The following KCTD8 variants were observed in gnomAD, a reference collection of about 807,000 sequenced individuals.
KCTD8 encodes potassium channel tetramerization domain containing 8, also known as BTB/POZ domain-containing protein KCTD8.
A neutral mutation model predicts 31.5 loss-of-function variants in KCTD8; 27 were observed. That is an observed-to-expected ratio of 0.86 (90% CI 0.63 to 1.18). KCTD8 has a LOEUF of 1.18. Among genes scored for constraint, KCTD8 ranks in the 50% most tolerant of loss-of-function variants. The pLI, the probability that KCTD8 is intolerant of heterozygous loss-of-function variation, is 0.00. For synonymous variants in KCTD8, 290 were observed against 280.0 expected (o/e 1.04, Z -0.36); for missense variants, 658 against 647.7 (o/e 1.02, Z -0.17).
At chr4:44,183,683 A>AT (rs1037445347) in intron 1 of KCTD8, among the ~76,000 whole-genome samples, 2 of 152,110 alleles carry the variant, frequency 1.3e-5, no homozygotes, top group African/African-American at 4.8e-5. Flanking sequence ...TTTTAAGAGT[A>AT]TTTCTATATT....
In KCTD8 at chr4:44,448,164, C is replaced by T. The variant is rs149503892; in HGVS notation, c.360G>A (p.Leu120=). The change falls in exon 1 of 2, where the codon CTG becomes CTA. Residue 120 remains leucine (L), a synonymous_variant. Coordinates refer to ENST00000360029, the MANE Select transcript of KCTD8 (RefSeq NM_198353.3). This position sits in a 1 kb window ranked among gnomAD's most constrained non-coding sequence, Gnocchi z 4.1. ...LDYLRDKQLA[L]PEHFPEKERL... Reference sequence around the variant, plus strand: ...GCTCCTTCTCGGGGAAGTGCTCCGGCAGCGCGAGTTGCTTGTCCCGCAGAT... The same window carrying T: ...GCTCCTTCTCGGGGAAGTGCTCCGGTAGCGCGAGTTGCTTGTCCCGCAGAT... The T allele has an allele frequency of 5.6e-6, 9 of 1,612,424 alleles. No homozygotes were observed. The African/African-American group carries it at 1.1e-4, about 19-fold the overall frequency.
chr4:44,410,669 T>A (rs1450159011), intron 1 of KCTD8, among the ~76,000 whole-genome samples: 1 of 152,096 alleles, frequency 6.6e-6, no homozygotes, highest in East Asian at 1.9e-4. Context: ...GAGCAAGTCA[T>A]GTCTTATGTG....
At chr4:44,427,721 G>A (rs1301804621) in intron 1 of KCTD8, among the ~76,000 whole-genome samples, 2 of 151,648 alleles carry the variant, frequency 1.3e-5, no homozygotes, top group African/African-American at 4.8e-5. Flanking sequence ...AAACAAAGTA[G>A]AGAGACTCAG....
intron 1 of KCTD8, among the ~76,000 whole-genome samples, chr4:44,286,800 A>C (rs1717092462): frequency 6.6e-6 from 1 of 152,142 alleles, no homozygotes; most frequent in African/African-American, 2.4e-5. Context: ...AGGGTAAAAA[A>C]ATAGAGGGAT....
intron 1 of KCTD8, among the ~76,000 whole-genome samples, chr4:44,388,945 A>C (rs1373712491): frequency 6.6e-6 from 1 of 151,912 alleles, no homozygotes; most frequent in African/African-American, 2.4e-5. Flanking sequence ...TCAGCCATAA[A>C]AATGAATGAA....
At chr4:44,276,915 G>C (rs1187899631) in intron 1 of KCTD8, among the ~76,000 whole-genome samples, 2 of 151,970 alleles carry the variant, frequency 1.3e-5, no homozygotes, top group Non-Finnish European at 2.9e-5. Flanking sequence ...AATGTTTTAA[G>C]TACTCTATGT....
intron 1 of KCTD8, among the ~76,000 whole-genome samples, chr4:44,358,790 C>T (rs868215252): frequency 3.3e-5 from 5 of 152,038 alleles, no homozygotes; most frequent in South Asian, 2.1e-4. Flanking sequence ...AGGATGGTCT[C>T]GATCTCCTGA....
intron 1 of KCTD8, among the ~76,000 whole-genome samples, chr4:44,238,983 T>C (rs1044314188): frequency 1.3e-5 from 2 of 152,150 alleles, no homozygotes; most frequent in African/African-American, 2.4e-5. Flanking sequence ...AGAAGTTGGT[T>C]TCTCTAAGGA....
At chr4:44,374,951 A>G (rs556427900) in intron 1 of KCTD8, among the ~76,000 whole-genome samples, 22 of 152,324 alleles carry the variant, frequency 1.4e-4, no homozygotes, top group Admixed American at 3.3e-4. Flanking sequence ...TGATGCTAAG[A>G]TTGTTTGATA....
At chr4:44,365,341 G>A (rs78006154) in intron 1 of KCTD8, among the ~76,000 whole-genome samples, 3,662 of 152,190 alleles carry the variant, frequency 0.024, 68 homozygotes, top group Non-Finnish European at 0.041. Flanking sequence ...TCTTTATAAT[G>A]TTAAACGCAT....
chr4:44,209,846 T>C lies in KCTD8; in HGVS notation c.962-34596A>G, dbSNP rs560134908. Among the ~76,000 whole-genome samples the C allele has an allele frequency of 3.9e-5, 6 of 152,178 alleles. No homozygotes were observed. In the South Asian group the frequency reaches 1.0e-3, roughly 26 times the overall value. ...AAGCAAAAAACAAAAAATACATATA[T>C]GGGAAGAGCTGCATTAAGGAACCTG... On this transcript the variant is annotated intron_variant, in intron 1 of 1. Coordinates refer to ENST00000360029, the MANE Select transcript of KCTD8 (RefSeq NM_198353.3).
At chr4:44,181,226 CGGT>C (rs1560387569) in intron 1 of KCTD8, among the ~76,000 whole-genome samples, 2 of 90,784 alleles carry the variant, frequency 2.2e-5, no homozygotes, top group Non-Finnish European at 4.2e-5. Flanking sequence ...TCTCTTTCCA[CGGT>C]CTCCCTCTCC....
intron 1 of KCTD8, among the ~76,000 whole-genome samples, chr4:44,313,944 G>A (rs1718026670): frequency 6.6e-6 from 1 of 152,186 alleles, no homozygotes; most frequent in African/African-American, 2.4e-5. Context: ...GCTGTGCAAA[G>A]AACAGAGTCA....
At position 44,174,752 on chromosome 4, in the gene KCTD8, T is replaced by C; in HGVS notation, c.*38A>G. The C allele has an allele frequency of 3.4e-6, 5 of 1,481,148 alleles. No individual in the cohort carries two copies. The highest frequency in any genetic ancestry group is 2.8e-6 in the Non-Finnish European group (3 of 1,083,880). The allele number at this position is 1,481,148 out of a possible 1,614,324, so 91.8% of individuals were successfully genotyped here. On this transcript the variant is annotated 3_prime_UTR_variant, in exon 2 of 2. Coordinates refer to ENST00000360029, the MANE Select transcript of KCTD8 (RefSeq NM_198353.3). ...TCAGGTGGTGACACTGTAGTAAACA[T>C]TGAATGTCATCAAAATACTGCAGGA...
intron 1 of KCTD8, among the ~76,000 whole-genome samples, chr4:44,364,892 C>T (rs530656302): frequency 3.3e-5 from 5 of 151,612 alleles, no homozygotes; most frequent in Non-Finnish European, 5.9e-5. Context: ...AGTGGTTCTC[C>T]GGGGTCAGGC....
intron 1 of KCTD8, among the ~76,000 whole-genome samples, chr4:44,281,499 T>C (rs977298623): frequency 6.6e-6 from 1 of 152,158 alleles, no homozygotes; most frequent in African/African-American, 2.4e-5. Context: ...CAAGCTGATG[T>C]GTACACTCAT....
intron 1 of KCTD8, among the ~76,000 whole-genome samples, chr4:44,205,395 T>G (rs1429711735): frequency 6.6e-6 from 1 of 152,212 alleles, no homozygotes; most frequent in African/African-American, 2.4e-5. Context: ...TTCAATTAAT[T>G]GTTTTAAGGC....
At chr4:44,270,016 T>C (rs1716531026) in intron 1 of KCTD8, among the ~76,000 whole-genome samples, 2 of 152,094 alleles carry the variant, frequency 1.3e-5, no homozygotes. Flanking sequence ...AGAAATACCA[T>C]TTGACCCAGC....
At position 44,358,623 on chromosome 4, in the gene KCTD8, T is replaced by A. The variant is rs569660479; in HGVS notation, c.961+88940A>T. The stretch of plus-strand genomic sequence containing the variant: ...TCTCTCTGTCACCCAGGCTGGAGTG[T>A]AGTGGCACGATCTCGGCTCACCGAA... On this transcript the variant is annotated intron_variant, in intron 1 of 1. Coordinates refer to ENST00000360029, the MANE Select transcript of KCTD8 (RefSeq NM_198353.3). 5.3e-5 allele frequency among the ~76,000 whole-genome samples: 8 copies of A among 151,912 alleles called. No homozygotes were observed. In the East Asian group the frequency reaches 1.5e-3, roughly 29 times the overall value.
Sources: allele counts gnomAD v4.1 joint callset (sites outside exome capture counted in the v4.1 genomes callset), GRCh38; gene constraint gnomAD v4.1.1; non-coding constraint Gnocchi (gnomAD v3.1); transcripts MANE v1.5; gene names NCBI Gene and HGNC (gene_info 2026-07-23, HGNC 2026-07-21).